ATP13A4: variants seen among roughly 807,000 people sequenced by gnomAD.
The protein encoded by ATP13A4 is ATPase 13A4.
ATP13A4 carries 114 observed loss-of-function variants against 142.5 expected under a neutral mutation model. That is an observed-to-expected ratio of 0.80 (90% CI 0.69 to 0.93). ATP13A4 has a LOEUF of 0.93. Among genes scored for constraint, ATP13A4 ranks in the 40% least tolerant of loss-of-function variants. The probability of loss-of-function intolerance (pLI) is 0.00; values close to 1 mark genes in which losing one functional copy is unlikely to be tolerated. For synonymous variants in ATP13A4, 488 were observed against 514.8 expected, an observed-to-expected ratio of 0.95 and a Z score of 0.70; for missense variants, 1,392 against 1,454.0, an observed-to-expected ratio of 0.96 and a Z score of 0.69.
intron 21 of ATP13A4, 199 bp downstream of exon 21, chr3:193,440,359 A>G: frequency 9.5e-7 from 1 of 1,047,680 alleles, no homozygotes; most frequent in Non-Finnish European, 1.3e-6. Flanking sequence ...GCCCCATATA[A>G]ACAACTGAAT....
intron 2 of ATP13A4, among the ~76,000 whole-genome samples, chr3:193,562,158 C>G (rs1724030423): frequency 6.6e-6 from 1 of 152,166 alleles, no homozygotes; most frequent in African/African-American, 2.4e-5. Context: ...CCCACATACT[C>G]TGGTCCCGGA....
intron 18 of ATP13A4, among the ~76,000 whole-genome samples, chr3:193,446,715 T>A (rs770265905): frequency 6.6e-6 from 1 of 151,898 alleles, no homozygotes; most frequent in African/African-American, 2.4e-5. Flanking sequence ...AAAATTTTTC[T>A]AAAAGCGCTG....
intron 2 of ATP13A4, among the ~76,000 whole-genome samples, chr3:193,510,356 G>A (rs1041607968): frequency 6.6e-5 from 10 of 152,228 alleles, no homozygotes; most frequent in East Asian, 1.9e-4. Flanking sequence ...GAGTCAGGCC[G>A]CATTGCTAAT....
intron 17 of ATP13A4, among the ~76,000 whole-genome samples, chr3:193,448,976 A>T (rs1331220439): frequency 2.0e-5 from 3 of 152,256 alleles, no homozygotes; most frequent in African/African-American, 7.2e-5. Context: ...AAGCATGAAA[A>T]AAAACGGAGG....
At chr3:193,433,605 A>G (rs1361716162) in intron 25 of ATP13A4, among the ~76,000 whole-genome samples, 1 of 152,222 alleles carries the variant, frequency 6.6e-6, no homozygotes, top group Non-Finnish European at 1.5e-5. Flanking sequence ...GACCATTTAT[A>G]GAAGTTCCAC....
intron 11 of ATP13A4, 115 bp from the exon 12 acceptor site, chr3:193,465,243 A>G (rs1718202659): frequency 3.5e-6 from 4 of 1,143,758 alleles, no homozygotes; most frequent in Non-Finnish European, 5.0e-6. Flanking sequence ...GCTGGAATAC[A>G]GTGGTGTGAT....
At position 193,465,110 on chromosome 3, in the gene ATP13A4, C is replaced by T. The variant is rs764899177; in HGVS notation, c.1291G>A (p.Val431Met). The stretch of plus-strand genomic sequence containing the variant: ...GTGATGACGTCAAGGGCTTTCCTCA[C>T]CACCTCCTCTGGAGGTTCCTGGACG... The part of the protein sequence containing the change: ...VLSGEPPEEV[V>M]RKALDVITIA... The change falls in exon 12 of 30, where the codon GTG becomes ATG. Residue 431 changes from valine to methionine, a missense_variant. Transcript: ENST00000342695. The T allele has an allele frequency of 3.7e-6, 6 of 1,613,916 alleles. No individual in the cohort carries two copies. The highest frequency in any genetic ancestry group is 3.3e-5 in the Admixed American group (2 of 59,998).
Position 193,417,751 on chromosome 3 carries a change from C to T in ATP13A4, c.2843-3001G>A, listed in dbSNP as rs111948352. Among the ~76,000 whole-genome samples the T allele has an allele frequency of 2.4e-4, 33 of 135,666 alleles. 2 individuals carry two copies. The highest frequency in any genetic ancestry group is 1.1e-3 in the Admixed American group (12 of 11,202). The allele number at this position is 135,666 out of a possible 152,430, so 89.0% of individuals were successfully genotyped here. A position where few individuals can be genotyped will look rare whatever the true frequency, so the allele number is the denominator to read the frequency against. ...CTGTAATCCCAGCACTTCGGGAGGC[C>T]GAGGCAGGTGGATCACGAGGTCAGG... On this transcript the variant is annotated intron_variant, in intron 25 of 29. Coordinates refer to ENST00000342695, the MANE Select transcript of ATP13A4 (RefSeq NM_032279.4).
rs762688107 is a variant in ATP13A4, at chr3:193,493,130, A to C, written c.412T>G (p.Tyr138Asp). The C allele has an allele frequency of 2.5e-6, 4 of 1,613,156 alleles. No homozygotes were observed. The African/African-American group carries it at 5.3e-5, about 22-fold the overall frequency. The change falls in exon 4 of 30, where the codon TAT becomes GAT. Residue 138 changes from tyrosine to aspartate, a missense_variant. Physicochemically the swap from Tyr to Asp is radical, Grantham distance 160 (BLOSUM62 -3). Coordinates refer to ENST00000342695, the MANE Select transcript of ATP13A4 (RefSeq NM_032279.4). The part of the protein sequence containing the change: ...VRCIKVQKIR[Y>D]VWNYLEGQFQ... ...TGTCCTTCTAAGTAGTTCCAAACAT[A>C]TCTTATTTTCTGCACTTTGATGCAT...
chr3:193,510,383 T>C (rs948909596), intron 2 of ATP13A4, among the ~76,000 whole-genome samples: 14 of 152,156 alleles, frequency 9.2e-5, no homozygotes, highest in African/African-American at 3.4e-4. Context: ...AAAGTTCTCC[T>C]CTGCACACCA....
Position 193,424,239 on chromosome 3 carries a change from T to G in ATP13A4, c.2843-9489A>C, listed in dbSNP as rs1715541587. Among the ~76,000 whole-genome samples, 2 of 149,322 alleles carry G rather than the reference T, an allele frequency of 1.3e-5. 1 individual carries two copies. The highest frequency in any genetic ancestry group is 4.9e-5 in the African/African-American group (2 of 40,732). On this transcript the variant is annotated intron_variant, in intron 25 of 29. Coordinates refer to ENST00000342695, the MANE Select transcript of ATP13A4 (RefSeq NM_032279.4). ...AATTGATTGGAAGAATTAATATTGT[T>G]GAAATATCCCTGCTACCTAAAACAA... is the stretch of plus-strand genomic sequence containing the variant.
At chr3:193,495,867 T>C (rs1271744261) in intron 3 of ATP13A4, among the ~76,000 whole-genome samples, 1 of 151,934 alleles carries the variant, frequency 6.6e-6, no homozygotes, top group Non-Finnish European at 1.5e-5. Context: ...ACAAATTCAG[T>C]AGAGTTACAG....
At chr3:193,517,491 TTTATTTTGA>T (rs1577043131) in intron 1 of ATP13A4, among the ~76,000 whole-genome samples, 1 of 152,208 alleles carries the variant, frequency 6.6e-6, no homozygotes, top group East Asian at 1.9e-4. Context: ...TTTATTTTAT[TTTATTTTGA>T]GACGGAGTTT....
chr3:193,444,638 A>G (rs182993452), intron 18 of ATP13A4, among the ~76,000 whole-genome samples: 2 of 152,370 alleles, frequency 1.3e-5, no homozygotes, highest in African/African-American at 4.8e-5. Context: ...AACATATGTC[A>G]TAGTTATGAC....
At chr3:193,414,083 C>A (rs1714921253) in intron 26 of ATP13A4, among the ~76,000 whole-genome samples, 1 of 152,150 alleles carries the variant, frequency 6.6e-6, no homozygotes, top group Non-Finnish European at 1.5e-5. Flanking sequence ...CTCTTTATTT[C>A]TCAGCCAGCA....
chr3:193,410,914 A>T (rs1714732897), intron 28 of ATP13A4, 68 bp downstream of exon 28: 1 of 1,016,096 alleles, frequency 9.8e-7, no homozygotes, highest in Non-Finnish European at 1.6e-6. Context: ...TGAAATTGTG[A>T]TCTGCTTTTT....
In ATP13A4 at chr3:193,419,231, G is replaced by A. The variant is rs777480744; in HGVS notation, c.2843-4481C>T. On this transcript the variant is annotated intron_variant, in intron 25 of 29. Transcript: ENST00000342695. ...GAGTTGAACCTGTGCACTGCCTCTG[G>A]TAATGCAGTGGAAGAAAAAGAGTAC... Among the ~76,000 whole-genome samples, 15 of 149,820 alleles carry A rather than the reference G, an allele frequency of 1.0e-4. 1 individual carries two copies. Among genetic ancestry groups the A allele is most frequent in the Non-Finnish European group, 1.9e-4 (13 of 67,828 alleles).
chr3:193,551,808 G>A (rs1036229135), intron 1 of ATP13A4, among the ~76,000 whole-genome samples: 20 of 152,152 alleles, frequency 1.3e-4, no homozygotes, highest in African/African-American at 1.9e-4. Context: ...GTGAACCTTC[G>A]CTGAAGGCCA....
intron 1 of ATP13A4, among the ~76,000 whole-genome samples, chr3:193,591,174 C>T (rs775240677): frequency 1.1e-4 from 16 of 152,320 alleles, no homozygotes; most frequent in Admixed American, 2.0e-4. Flanking sequence ...AGCAATTTTT[C>T]TGCCTCAGCC....
Sources: allele counts gnomAD v4.1 joint callset (sites outside exome capture counted in the v4.1 genomes callset), GRCh38; gene constraint gnomAD v4.1.1; transcripts MANE v1.5; gene names NCBI Gene and HGNC (gene_info 2026-07-23, HGNC 2026-07-21).